VARS1: variants seen among roughly 807,000 people sequenced by gnomAD.
VARS1 encodes valyl-tRNA synthetase 1, also known as valine--tRNA ligase.
In VARS1, 92 loss-of-function variants were observed where a neutral mutation model predicts 161.0. The ratio of observed to expected loss-of-function variants is 0.57; its 90% CI spans 0.48 to 0.68. The LOEUF (loss-of-function observed/expected upper bound fraction) is 0.68, where lower values mean the gene tolerates loss of function less well. Among genes scored for constraint, VARS1 ranks in the 30% least tolerant of loss-of-function variants. The probability of loss-of-function intolerance (pLI) is 0.00; values close to 1 mark genes in which losing one functional copy is unlikely to be tolerated. For missense variants in VARS1, 1,338 were observed against 1,695.9 expected (o/e 0.79, Z 3.71); for synonymous variants, 595 against 682.5 (o/e 0.87, Z 2.00).
In VARS1 at chr6:31,782,473, G is replaced by A. The variant is rs1280584361; in HGVS notation, c.1992-30C>T. 6.2e-7 allele frequency: 1 copy of A among 1,612,162 alleles called. No individual in the cohort carries two copies. The highest frequency in any genetic ancestry group is 1.1e-5 in the South Asian group (1 of 90,996). ...GGGTACACGTAGGTGAGAAGGCCAGGCGGTAAAACCCTGAGGAGCCCTCCA... is the reference window on the plus strand; with the variant it reads ...GGGTACACGTAGGTGAGAAGGCCAGACGGTAAAACCCTGAGGAGCCCTCCA... On this transcript the variant is annotated intron_variant, in intron 16 of 29. Transcript: ENST00000375663. The surrounding 1 kb of genome is among the most constrained non-coding windows in gnomAD (Gnocchi z 8.3).
chr6:31,792,744 C>T lies in VARS1; in HGVS notation c.661+13G>A, dbSNP rs374903859. The stretch of plus-strand genomic sequence containing the variant: ...GGGAAGCCCCTATCCTCCAACTCCT[C>T]GCCCTTCCTCACCTGGCTGATGAGA... On this transcript the variant is annotated intron_variant, in intron 4 of 29. Coordinates refer to ENST00000375663, the MANE Select transcript of VARS1 (RefSeq NM_006295.3). The T allele has an allele frequency of 5.5e-5, 88 of 1,613,988 alleles. No individual in the cohort carries two copies. The African/African-American group carries it at 6.1e-4, about 11-fold the overall frequency.
chr6:31,784,233 G>C lies in VARS1; in HGVS notation c.1652C>G (p.Pro551Arg). 1 of 1,614,132 alleles carries C rather than the reference G, an allele frequency of 6.2e-7. No homozygotes were observed. The highest frequency in any genetic ancestry group is 8.5e-7 in the Non-Finnish European group (1 of 1,180,032). Residue 551 changes from proline (P) to arginine (R), a missense_variant, in exon 13 of 30, where the codon CCC becomes CGC. Physicochemically the swap from Pro to Arg is moderately radical, Grantham distance 103. Transcript: ENST00000375663. This position sits in a 1 kb window ranked among gnomAD's most constrained non-coding sequence, Gnocchi z 6.1. ...CCCCACCTGGTATCTGGTATCTTTG[G>C]GGTGCACAGCTACAGCCACATCTCC... ...MLGDVAVAVH[P>R]KDTRYQHLKG...
rs1467272307 is a variant in VARS1 at position 31,779,413 on chromosome 6, C to G, written c.3400+12G>C. 1.9e-6 allele frequency: 3 copies of G among 1,610,170 alleles called. No homozygotes were observed. In the Admixed American group the frequency reaches 5.0e-5, roughly 27 times the overall value. ...CAGTGGGATGGGGCGGACATGGGGG[C>G]CTGAGGCTCACAGTCAGGCCGGATC... On this transcript the variant is annotated intron_variant, in intron 28 of 29. Coordinates refer to ENST00000375663, the MANE Select transcript of VARS1 (RefSeq NM_006295.3). The surrounding 1 kb of genome is among the most constrained non-coding windows in gnomAD (Gnocchi z 9.1).
chr6:31,795,360 T>C lies in VARS1; in HGVS notation c.-33-110A>G. ...CTTCGCCGCAGACACCCGAGTCCCA[T>C]AGGACTGAGGGTCTGACCAGGCAGG... On this transcript the variant is annotated intron_variant, in intron 1 of 29. Coordinates refer to ENST00000375663, the MANE Select transcript of VARS1 (RefSeq NM_006295.3). This position sits in a 1 kb window ranked among gnomAD's most constrained non-coding sequence, Gnocchi z 6.9. The C allele has an allele frequency of 1.4e-6, 1 of 739,428 alleles. No individual in the cohort carries two copies. Among genetic ancestry groups the C allele is most frequent in the South Asian group, 6.0e-5 (1 of 16,760 alleles). The allele number at this position is 739,428 out of a possible 1,614,324, so 45.8% of individuals were successfully genotyped here.
chr6:31,787,033 C>T (rs1211069778), intron 8 of VARS1, among the ~76,000 whole-genome samples: 3 of 142,538 alleles, frequency 2.1e-5, no homozygotes, highest in South Asian at 4.5e-4. Flanking sequence ...GCAGACTAGC[C>T]TGGGCAACAT....
At chr6:31,790,152 A>G (rs1011093075) in intron 8 of VARS1, among the ~76,000 whole-genome samples, 1 of 152,090 alleles carries the variant, frequency 6.6e-6, no homozygotes, top group African/African-American at 2.4e-5. Context: ...AACAAAGTTT[A>G]CAAATTTGTG....
At position 31,779,097 on chromosome 6, in the gene VARS1, C is replaced by T. The variant is rs752223950; in HGVS notation, c.3596G>A (p.Arg1199Gln). The T allele has an allele frequency of 1.6e-5, 25 of 1,610,746 alleles. No individual in the cohort carries two copies. Among genetic ancestry groups the T allele is most frequent in the Admixed American group, 6.7e-5 (4 of 59,722 alleles). The change falls in exon 29 of 30, where the codon CGG becomes CAG. Residue 1199 changes from arginine to glutamine, a missense_variant. Physicochemically the swap from Arg to Gln is conservative, Grantham distance 43 (BLOSUM62 1). Coordinates refer to ENST00000375663, the MANE Select transcript of VARS1 (RefSeq NM_006295.3). The surrounding 1 kb of genome is among the most constrained non-coding windows in gnomAD (Gnocchi z 9.1). ...LQLQGLVDPA[R>Q]ELGKLQAKRV... ...CTTGGCTTGCAGCTTGCCCAGCTCC[C>T]GTGCAGGGTCCACCAGCCCCTGAAG...
chr6:31,780,807 G>A lies in VARS1; in HGVS notation c.2719-24C>T. ...TTCTACAGGGAAGAGGCAGGGGGAGGAGCGTCCTCAGCCAGCCCCATCCAC... is the reference window on the plus strand; with the variant it reads ...TTCTACAGGGAAGAGGCAGGGGGAGAAGCGTCCTCAGCCAGCCCCATCCAC... On this transcript the variant is annotated intron_variant, in intron 23 of 29. Transcript: ENST00000375663. This position sits in a 1 kb window ranked among gnomAD's most constrained non-coding sequence, Gnocchi z 5.1. The A allele has an allele frequency of 1.2e-6, 2 of 1,614,186 alleles. No individual in the cohort carries two copies. Among genetic ancestry groups the A allele is most frequent in the Non-Finnish European group, 8.5e-7 (1 of 1,180,026 alleles).
rs568028252 is a variant in VARS1, at chr6:31,790,413, C to T, written c.1100+1197G>A. 9.5e-4 allele frequency among the ~76,000 whole-genome samples: 144 copies of T among 151,890 alleles called. 1 individual carries two copies. Among genetic ancestry groups the T allele is most frequent in the Middle Eastern group, 6.8e-3 (2 of 294 alleles). ...GGTCAGGAGTTTGAGACCAGCCTGG[C>T]CAACATGGTGAAACCCCATCTCTAC... On this transcript the variant is annotated intron_variant, in intron 8 of 29. Coordinates refer to ENST00000375663, the MANE Select transcript of VARS1 (RefSeq NM_006295.3).
In VARS1 at chr6:31,779,188, C is replaced by A; in HGVS notation, c.3505G>T (p.Gly1169Trp). ...SAGVVAVLALGAPAPQGCAVA... is the reference protein window; with the variant it reads ...SAGVVAVLALWAPAPQGCAVA... The stretch of plus-strand genomic sequence containing the variant: ...GCGCAACCCTGGGGGGCGGGAGCCC[C>A]CAGGGCCAGAACAGCCACCACACCT... Residue 1169 changes from glycine (G) to tryptophan (W), a missense_variant, in exon 29 of 30, where the codon GGG becomes TGG. Physicochemically the swap from Gly to Trp is radical, Grantham distance 184. Around this residue, in one of 3 missense-constraint regions of VARS1, gnomAD observed 433 missense variants for 586.2 expected, o/e 0.74. Transcript: ENST00000375663. The surrounding 1 kb of genome is among the most constrained non-coding windows in gnomAD (Gnocchi z 9.1). 1 of 1,606,428 alleles carries A rather than the reference C, an allele frequency of 6.2e-7. No homozygotes were observed.
Position 31,792,789 on chromosome 6 carries a change from T to C in VARS1, c.629A>G (p.Tyr210Cys). Residue 210 changes from tyrosine to cysteine, a missense_variant, in exon 4 of 30, where the codon TAC becomes TGC. By Grantham distance (194) the Tyr-to-Cys change is radical (BLOSUM62 -2). Transcript: ENST00000375663. Reference protein sequence around the residue: ...FRAVLGEVVLYSGARPLSHQP... With the variant: ...FRAVLGEVVLCSGARPLSHQP... Reference sequence around the variant, plus strand: ...ATGAGAGAGAGGCCTGGCTCCTGAGTATAGAACCACTTCTCCTAGCACGGC... The same window carrying C: ...ATGAGAGAGAGGCCTGGCTCCTGAGCATAGAACCACTTCTCCTAGCACGGC... 6.2e-7 allele frequency: 1 copy of C among 1,614,086 alleles called. No individual in the cohort carries two copies. The highest frequency in any genetic ancestry group is 8.5e-7 in the Non-Finnish European group (1 of 1,180,014).
chr6:31,792,558 C>T (rs868161265), intron 4 of VARS1, 42 bp from the exon 5 acceptor site: 1 of 1,612,954 alleles, frequency 6.2e-7, no homozygotes, highest in East Asian at 2.2e-5. Context: ...CAGCTGGGGA[C>T]CCTCTTGGAC....
In VARS1 at chr6:31,791,321, A is replaced by G. The variant is rs914313487; in HGVS notation, c.1100+289T>C. On this transcript the variant is annotated intron_variant, in intron 8 of 29. Coordinates refer to ENST00000375663, the MANE Select transcript of VARS1 (RefSeq NM_006295.3). The surrounding 1 kb of genome is among the most constrained non-coding windows in gnomAD (Gnocchi z 5.0). ...GAGCCAGGAGTTGGAGACCAGACTGAGCAACAAAGTGAAAACTCATCTTTA... is the reference window on the plus strand; with the variant it reads ...GAGCCAGGAGTTGGAGACCAGACTGGGCAACAAAGTGAAAACTCATCTTTA... Among the ~76,000 whole-genome samples the G allele has an allele frequency of 3.3e-5, 5 of 152,156 alleles. No homozygotes were observed. The highest frequency in any genetic ancestry group is 5.9e-5 in the Non-Finnish European group (4 of 68,036).
In VARS1 at chr6:31,784,843, G is replaced by A; in HGVS notation, c.1348-129C>T. The A allele has an allele frequency of 7.3e-7, 1 of 1,363,428 alleles. No individual in the cohort carries two copies. The highest frequency in any genetic ancestry group is 1.4e-5 in the South Asian group (1 of 72,900). The allele number at this position is 1,363,428 out of a possible 1,614,324, so 84.5% of individuals were successfully genotyped here. ...GCCAGCACAAAGACCCCTCTGAGGG[G>A]AGTACTTTCCTTCTTTCCTTGAGGG... On this transcript the variant is annotated intron_variant, in intron 10 of 29. Transcript: ENST00000375663. This position sits in a 1 kb window ranked among gnomAD's most constrained non-coding sequence, Gnocchi z 6.1.
In VARS1 at chr6:31,791,722, C is replaced by T; in HGVS notation, c.988G>A (p.Ala330Thr). Residue 330 changes from alanine (A) to threonine (T), a missense_variant, in exon 8 of 30, where the codon GCA becomes ACA. By Grantham distance (58) the Ala-to-Thr change is moderately conservative. Coordinates refer to ENST00000375663, the MANE Select transcript of VARS1 (RefSeq NM_006295.3). The surrounding 1 kb of genome is among the most constrained non-coding windows in gnomAD (Gnocchi z 5.0). ...ATGAAGACACCTCGGGGATTTGCTG[C>T]TGACACATTAGGACGCTGATGGTGG... ...KPEYGRPNVS[A>T]ANPRGVFMMC... 5 of 1,613,058 alleles carry T rather than the reference C, an allele frequency of 3.1e-6. No individual in the cohort carries two copies. Among genetic ancestry groups the T allele is most frequent in the Middle Eastern group, 1.6e-4 (1 of 6,062 alleles).
chr6:31,793,155 T>C (rs776328822), intron 2 of VARS1, 35 bp from the exon 3 acceptor site: 2 of 1,562,182 alleles, frequency 1.3e-6, no homozygotes, highest in Non-Finnish European at 1.7e-6. Context: ...AGACAAGGTT[T>C]GGCCCACCTC....
In VARS1 at chr6:31,783,128, A is replaced by C. The variant is rs770531279; in HGVS notation, c.1730T>G (p.Phe577Cys). 6 of 1,612,810 alleles carry C rather than the reference A, an allele frequency of 3.7e-6. No homozygotes were observed. Among genetic ancestry groups the C allele is most frequent in the Middle Eastern group, 1.6e-4 (1 of 6,062 alleles). The change falls in exon 14 of 30, where the codon TTC (phenylalanine) becomes TGC (cysteine). Residue 577 changes from phenylalanine to cysteine, a missense_variant. Around this residue, in one of 3 missense-constraint regions of VARS1, gnomAD observed 902 missense variants for 1,090.3 expected, o/e 0.83. Coordinates refer to ENST00000375663, the MANE Select transcript of VARS1 (RefSeq NM_006295.3). ...AAAGTCCATGTCCACAAATTCATCG[A>C]AGACAATGGGAAGGCTCCGAGACAG... Reference protein sequence around the residue: ...PFLSRSLPIVFDEFVDMDFGT... With the variant: ...PFLSRSLPIVCDEFVDMDFGT...
Position 31,795,256 on chromosome 6 carries a change from G to A in VARS1, c.-33-6C>T, listed in dbSNP as rs2151438071. 2.2e-6 allele frequency: 3 copies of A among 1,386,642 alleles called. No individual in the cohort carries two copies. The highest frequency in any genetic ancestry group is 2.5e-5 in the East Asian group (1 of 40,702). 85.9% of individuals were successfully genotyped at this position (1,386,642 alleles called of 1,614,324 possible). ...TCCGAACGAAGTGGAAAAACCTAAGGAGAAAGAGAGACAGGGGAAGACTGC... is the reference window on the plus strand; with the variant it reads ...TCCGAACGAAGTGGAAAAACCTAAGAAGAAAGAGAGACAGGGGAAGACTGC... On this transcript the variant is annotated splice_polypyrimidine_tract_variant and splice_region_variant and intron_variant, in intron 1 of 29. Transcript: ENST00000375663. The surrounding 1 kb of genome is among the most constrained non-coding windows in gnomAD (Gnocchi z 6.9).
Position 31,778,914 on chromosome 6 carries a change from G to A in VARS1, c.3726+53C>T. 1 of 1,610,158 alleles carries A rather than the reference G, an allele frequency of 6.2e-7. No individual in the cohort carries two copies. Among genetic ancestry groups the A allele is most frequent in the Non-Finnish European group, 8.5e-7 (1 of 1,177,802 alleles). On this transcript the variant is annotated intron_variant, in intron 29 of 29. Transcript: ENST00000375663. The surrounding 1 kb of genome is among the most constrained non-coding windows in gnomAD (Gnocchi z 5.1). ...CTGCACTCGGACCAGCCCAGACCAG[G>A]GTTTTGATGGAGGAAGGGGATGGTG...
Sources: gnomAD v4.1 joint callset for allele counts (sites outside exome capture counted in the v4.1 genomes callset) on GRCh38, gnomAD v4.1.1 for gene constraint, gnomAD v4.1.1 regional missense constraint, Gnocchi (gnomAD v3.1) non-coding constraint, MANE v1.5 for transcripts, NCBI Gene and HGNC (gene_info 2026-07-23, HGNC 2026-07-21) for gene names.